The following TRHDE variants were observed in gnomAD, a reference collection of about 807,000 sequenced individuals.
The protein encoded by TRHDE is thyrotropin releasing hormone degrading enzyme.
Under a neutral mutation model 125.7 loss-of-function variants are expected in TRHDE, and 72 were observed. The ratio of observed to expected loss-of-function variants is 0.57; its 90% confidence interval spans 0.47 to 0.70. The LOEUF (loss-of-function observed/expected upper bound fraction) is 0.70. Ranked by LOEUF, TRHDE falls within the 30% of genes least tolerant of loss-of-function variation. The pLI is 0.00. For missense variants in TRHDE, 1,110 were observed against 1,327.1 expected, an observed-to-expected ratio of 0.84 and a Z score of 2.54; for synonymous variants, 509 against 509.1, an observed-to-expected ratio of 1.00 and a Z score of 0.00.
chr12:72,233,677 G>A, intron 2 of TRHDE, among the ~76,000 whole-genome samples: 1 of 152,086 alleles, frequency 6.6e-6, no homozygotes, highest in Non-Finnish European at 1.5e-5. Context: ...TGATAAATAA[G>A]AAACACAAAA....
At chr12:72,166,318 T>C (rs556392939) in intron 2 of TRHDE, among the ~76,000 whole-genome samples, 26 of 151,964 alleles carry the variant, frequency 1.7e-4, no homozygotes, top group South Asian at 1.0e-3. Context: ...TATATATATA[T>C]ACACACACAC....
intron 3 of TRHDE, among the ~76,000 whole-genome samples, chr12:72,381,161 C>T (rs1020071011): frequency 6.6e-6 from 1 of 152,060 alleles, no homozygotes; most frequent in Non-Finnish European, 1.5e-5. Context: ...ATACTGCTAA[C>T]CATCCTACAA....
In TRHDE at chr12:72,548,542, A is replaced by T. The variant is rs568494776; in HGVS notation, c.1788+6186A>T. Among the ~76,000 whole-genome samples the T allele has an allele frequency of 2.2e-3, 339 of 151,890 alleles. 2 individuals are homozygous for T. The highest frequency in any genetic ancestry group is 7.6e-3 in the African/African-American group (317 of 41,534). On this transcript the variant is annotated intron_variant, in intron 7 of 18. Transcript: ENST00000261180. ...AATAGCTCAAATCCTGATTCTACGT[A>T]AGTAGAATAAGTCTTACTTTTAAAG...
chr12:72,525,767 T>C (rs1868324515), intron 6 of TRHDE, among the ~76,000 whole-genome samples: 1 of 152,040 alleles, frequency 6.6e-6, no homozygotes, highest in African/African-American at 2.4e-5. Flanking sequence ...AGAAAGTTAT[T>C]CTACTTTCTT....
chr12:72,190,056 A>G (rs982950787), intron 2 of TRHDE, among the ~76,000 whole-genome samples: 1 of 152,176 alleles, frequency 6.6e-6, no homozygotes, highest in African/African-American at 2.4e-5. Flanking sequence ...GGCCCACTGA[A>G]AGTCTGACCA....
intron 3 of TRHDE, among the ~76,000 whole-genome samples, chr12:72,449,131 A>G (rs979947533): frequency 1.3e-5 from 2 of 152,050 alleles, no homozygotes; most frequent in East Asian, 1.9e-4. Flanking sequence ...GGCAGAGCAC[A>G]TTTTGATGTT....
chr12:72,283,595 G>A (rs1450445521), intron 1 of TRHDE, among the ~76,000 whole-genome samples: 5 of 152,042 alleles, frequency 3.3e-5, no homozygotes, highest in Admixed American at 6.6e-5. Context: ...TCAACCCTGA[G>A]GATCAGTGAT....
intron 2 of TRHDE, among the ~76,000 whole-genome samples, chr12:72,107,248 T>A (rs371116111): frequency 9.2e-5 from 14 of 152,246 alleles, no homozygotes; most frequent in African/African-American, 3.1e-4. Flanking sequence ...GGTCTAATAA[T>A]GTGCTATCCC....
chr12:72,631,224 T>C (rs1190710184), intron 15 of TRHDE, among the ~76,000 whole-genome samples: 1 of 151,762 alleles, frequency 6.6e-6, no homozygotes, highest in African/African-American at 2.4e-5. Flanking sequence ...ACACCTTAAA[T>C]ATTTCAATTT....
intron 12 of TRHDE, among the ~76,000 whole-genome samples, chr12:72,585,806 A>G (rs1388786710): frequency 6.6e-6 from 1 of 152,176 alleles, no homozygotes; most frequent in African/African-American, 2.4e-5. Context: ...TTTTATAAAG[A>G]TCTCTATCTA....
intron 2 of TRHDE, among the ~76,000 whole-genome samples, chr12:72,196,679 A>G (rs1019258774): frequency 2.6e-5 from 4 of 151,930 alleles, no homozygotes; most frequent in African/African-American, 7.3e-5. Context: ...CTTTCTTCCT[A>G]TTATTTTGAA....
chr12:72,488,310 G>A (rs1877507029), intron 5 of TRHDE, among the ~76,000 whole-genome samples: 1 of 152,010 alleles, frequency 6.6e-6, no homozygotes, highest in African/African-American at 2.4e-5. Flanking sequence ...GAGAGTGAAA[G>A]GGTGGAAGGA....
chr12:72,434,202 T>C (rs917534469), intron 3 of TRHDE, among the ~76,000 whole-genome samples: 3 of 151,932 alleles, frequency 2.0e-5, no homozygotes, highest in Non-Finnish European at 2.9e-5. Flanking sequence ...CTGGCCAACA[T>C]AGTGAAACCC....
At chr12:72,636,495 TTCCTTC>T (rs1266996406) in intron 15 of TRHDE, among the ~76,000 whole-genome samples, 1 of 151,274 alleles carries the variant, frequency 6.6e-6, no homozygotes, top group African/African-American at 2.4e-5. Context: ...TACCCTTTAT[TTCCTTC>T]TCCTGCCTAA....
At chr12:72,548,828 CT>C (rs1455171996) in intron 7 of TRHDE, among the ~76,000 whole-genome samples, 2 of 151,596 alleles carry the variant, frequency 1.3e-5, no homozygotes, top group Non-Finnish European at 3.0e-5. Flanking sequence ...TAGTACCATT[CT>C]TCATGTTGTT....
At chr12:72,626,729 CTG>C (rs760846096) in intron 15 of TRHDE, among the ~76,000 whole-genome samples, 147 of 152,006 alleles carry the variant, frequency 9.7e-4, no homozygotes, top group Non-Finnish European at 1.6e-3. Flanking sequence ...CTCCAGATAA[CTG>C]TGTTCCTTTA....
chr12:72,373,022 G>A (rs936576983), intron 2 of TRHDE, among the ~76,000 whole-genome samples: 1 of 152,196 alleles, frequency 6.6e-6, no homozygotes, highest in Non-Finnish European at 1.5e-5. Context: ...CTACCCATGA[G>A]TATGGAATGT....
intron 2 of TRHDE, among the ~76,000 whole-genome samples, chr12:72,126,844 C>T (rs1875724588): frequency 6.6e-6 from 1 of 152,100 alleles, no homozygotes; most frequent in Non-Finnish European, 1.5e-5. Flanking sequence ...TGAAAATTGA[C>T]AAGTGGGGCC....
intron 3 of TRHDE, among the ~76,000 whole-genome samples, chr12:72,466,425 C>A (rs73344481): frequency 0.013 from 2,052 of 152,242 alleles, 48 homozygotes; most frequent in African/African-American, 0.046. Context: ...AGGCTTGTTC[C>A]TTAGTCACAT....
Sources: gnomAD v4.1 joint callset for allele counts (sites outside exome capture counted in the v4.1 genomes callset) on GRCh38, gnomAD v4.1.1 for gene constraint, MANE v1.5 for transcripts, NCBI Gene and HGNC (gene_info 2026-07-23, HGNC 2026-07-21) for gene names.